Variants in CUL9 observed in about 807,000 individuals in gnomAD.
CUL9 encodes cullin-9.
Under a neutral mutation model 272.6 loss-of-function variants are expected in CUL9, and 79 were observed. That is an observed-to-expected ratio of 0.29 (90% confidence interval 0.24 to 0.35). The LOEUF is 0.35. Among genes scored for constraint, CUL9 ranks in the 10% least tolerant of loss-of-function variants. The probability of loss-of-function intolerance (pLI) is 1.00; values close to 1 mark genes in which losing one functional copy is unlikely to be tolerated. For missense variants in CUL9, 2,532 were observed against 3,255.6 expected (o/e 0.78, Z 5.41); for synonymous variants, 1,186 against 1,286.5 (o/e 0.92, Z 1.67).
chr6:43,196,482 G>C, intron 10 of CUL9, 163 bp from the exon 11 acceptor site: 1 of 801,810 alleles, frequency 1.2e-6, no homozygotes, highest in Non-Finnish European at 2.1e-6. Context: ...TTCCCTTTAT[G>C]GGTTTGGGAG....
Position 43,185,615 on chromosome 6 carries a change from A to G in CUL9, c.750+5A>G. ...GAGGGCATTCATCTGCCTCAGGTAC[A>G]CTGCCAGCTGTAGGGAAATGCTGTG... On this transcript the variant is annotated splice_donor_5th_base_variant and intron_variant, in intron 3 of 40. Coordinates refer to ENST00000252050, the MANE Select transcript of CUL9 (RefSeq NM_015089.4). 1.2e-6 allele frequency: 2 copies of G among 1,610,088 alleles called. No individual in the cohort carries two copies. The highest frequency in any genetic ancestry group is 8.5e-7 in the Non-Finnish European group (1 of 1,179,406).
intron 36 of CUL9, 64 bp downstream of exon 36, chr6:43,222,454 G>A (rs761802978): frequency 2.5e-6 from 4 of 1,585,588 alleles, no homozygotes; most frequent in Non-Finnish European, 3.5e-6. Context: ...GGGGTGGAGG[G>A]GGGTGGGCTG....
intron 29 of CUL9, among the ~76,000 whole-genome samples, chr6:43,214,281 A>G (rs1317877691): frequency 1.3e-5 from 2 of 152,078 alleles, no homozygotes; most frequent in South Asian, 4.1e-4. Context: ...TTAGCTGGGC[A>G]TGGTGGCACA....
At chr6:43,194,329 C>G (rs1177561446) in intron 9 of CUL9, among the ~76,000 whole-genome samples, 2 of 145,146 alleles carry the variant, frequency 1.4e-5, no homozygotes, top group Non-Finnish European at 3.0e-5. Flanking sequence ...CTTTTCTTTT[C>G]TTTTTCTTTG....
chr6:43,191,507 C>CTTTTTTTTTTTTTTTTTTTTTTTTTTT (rs1554167922), intron 8 of CUL9, among the ~76,000 whole-genome samples: 124 of 73,112 alleles, frequency 1.7e-3, no homozygotes, highest in Non-Finnish European at 2.2e-3. Flanking sequence ...TTTTTTTTTA[C>CTTTTTTTTTTTTTTTTTTTTTTTTTTT]TTTTTGTAGA....
At chr6:43,204,135 G>C in intron 20 of CUL9, 148 bp downstream of exon 20, 1 of 1,142,098 alleles carries the variant, frequency 8.8e-7, no homozygotes, top group Non-Finnish European at 1.2e-6. Flanking sequence ...CCTGCCCCAG[G>C]CACTGCTCCC....
Position 43,221,110 on chromosome 6 carries a change from G to A in CUL9, c.6589-48G>A. The A allele has an allele frequency of 6.3e-7, 1 of 1,596,758 alleles. No individual in the cohort carries two copies. The highest frequency in any genetic ancestry group is 8.5e-7 in the Non-Finnish European group (1 of 1,173,158). The stretch of plus-strand genomic sequence containing the variant: ...CCTCTCTCCTGTGCACACCAGCCAT[G>A]CTGCCCTCACGGCTCAGCTGTGTCC... On this transcript the variant is annotated intron_variant, in intron 33 of 40. Transcript: ENST00000252050. This position sits in a 1 kb window ranked among gnomAD's most constrained non-coding sequence, Gnocchi z 4.2.
chr6:43,218,451 C>T lies in CUL9; in HGVS notation c.6282+1948C>T, dbSNP rs551437984. On this transcript the variant is annotated intron_variant, in intron 31 of 40. Coordinates refer to ENST00000252050, the MANE Select transcript of CUL9 (RefSeq NM_015089.4). This position sits in a 1 kb window ranked among gnomAD's most constrained non-coding sequence, Gnocchi z 4.4. ...CAGGATGGTCTCGATCTCCTGACCT[C>T]GTGATCCACCCACCTCAGCCTCCCA... 2.0e-5 allele frequency among the ~76,000 whole-genome samples: 3 copies of T among 151,582 alleles called. No individual in the cohort carries two copies. Among genetic ancestry groups the T allele is most frequent in the East Asian group, 2.0e-4 (1 of 5,078 alleles).
At chr6:43,208,831 A>C (rs1775241231) in intron 26 of CUL9, among the ~76,000 whole-genome samples, 1 of 152,142 alleles carries the variant, frequency 6.6e-6, no homozygotes, top group African/African-American at 2.4e-5. Flanking sequence ...TTCAAAGTAT[A>C]CAATTTGTCC....
At position 43,220,997 on chromosome 6, in the gene CUL9, C is replaced by T. The variant is rs547911724; in HGVS notation, c.6588+86C>T. The T allele has an allele frequency of 1.3e-6, 2 of 1,488,480 alleles. No individual in the cohort carries two copies. The highest frequency in any genetic ancestry group is 2.5e-5 in the East Asian group (1 of 40,642). 92.2% of individuals were successfully genotyped at this position (1,488,480 alleles called of 1,614,324 possible). On this transcript the variant is annotated intron_variant, in intron 33 of 40. Coordinates refer to ENST00000252050, the MANE Select transcript of CUL9 (RefSeq NM_015089.4). This position sits in a 1 kb window ranked among gnomAD's most constrained non-coding sequence, Gnocchi z 4.9. ...ATCCCCACCCCGCCACACACACAGA[C>T]TGTGACTTGTCCTTCCTCAGCCTCT...
Position 43,223,508 on chromosome 6 carries a change from C to T in CUL9, c.7284+111C>T, listed in dbSNP as rs1255488973. ...GAGTCCAGAAGGAAAGGCAGCAAAG[C>T]GGGTGAATGGATGTTAGACCTGGGC... On this transcript the variant is annotated intron_variant, in intron 39 of 40. Transcript: ENST00000252050. This position sits in a 1 kb window ranked among gnomAD's most constrained non-coding sequence, Gnocchi z 4.1. 16 of 1,407,996 alleles carry T rather than the reference C, an allele frequency of 1.1e-5. No homozygotes were observed. The highest frequency in any genetic ancestry group is 7.4e-5 in the African/African-American group (5 of 67,128). 87.2% of individuals were successfully genotyped at this position (1,407,996 alleles called of 1,614,324 possible).
chr6:43,204,184 C>T (rs1171976466), intron 20 of CUL9, 176 bp from the exon 21 acceptor site: 2 of 1,036,372 alleles, frequency 1.9e-6, no homozygotes, highest in Non-Finnish European at 2.8e-6. Flanking sequence ...CTACCCCATC[C>T]CCACCCTGTT....
chr6:43,204,759 A>G lies in CUL9; in HGVS notation c.4351A>G (p.Ser1451Gly). The change falls in exon 22 of 41, where the codon AGC (serine) becomes GGC (glycine). Residue 1451 changes from serine (S) to glycine (G), a missense_variant. Coordinates refer to ENST00000252050, the MANE Select transcript of CUL9 (RefSeq NM_015089.4). ...CTCTGTCTCTACAGTCAGCAAGAAC[A>G]GCAAGGGTCGGGACCGGAGCCCGGC... ...EPSTRPFSKN[S>G]KGRDRSPAPS... 6.2e-7 allele frequency: 1 copy of G among 1,614,182 alleles called. No homozygotes were observed. The highest frequency in any genetic ancestry group is 8.5e-7 in the Non-Finnish European group (1 of 1,180,010).
rs765152115 is a variant in CUL9 at position 43,184,410 on chromosome 6, G to A, written c.100G>A (p.Gly34Arg). ...CATTCGACAGAGGCCTGGGCATGACGGGCATCCTGAATACCTGATCCGATG... is the reference window on the plus strand; with the variant it reads ...CATTCGACAGAGGCCTGGGCATGACAGGCATCCTGAATACCTGATCCGATG... Reference protein sequence around the residue: ...ELIRQRPGHDGHPEYLIRWSV... With the variant: ...ELIRQRPGHDRHPEYLIRWSV... Residue 34 changes from glycine (G) to arginine (R), a missense_variant, in exon 2 of 41, where the codon GGG becomes AGG. Gly to Arg is a moderately radical substitution (Grantham distance 125). Around this residue, in one of 3 missense-constraint regions of CUL9, gnomAD observed 2,218 missense variants for 2,788.6 expected, o/e 0.80. Coordinates refer to ENST00000252050, the MANE Select transcript of CUL9 (RefSeq NM_015089.4). This position sits in a 1 kb window ranked among gnomAD's most constrained non-coding sequence, Gnocchi z 4.8. 11 of 1,613,442 alleles carry A rather than the reference G, an allele frequency of 6.8e-6. No homozygotes were observed. Among genetic ancestry groups the A allele is most frequent in the African/African-American group, 2.7e-5 (2 of 74,900 alleles).
chr6:43,213,402 TC>T lies in CUL9; in HGVS notation c.5359-34del. 2 of 1,612,444 alleles carry T rather than the reference TC, an allele frequency of 1.2e-6. No individual in the cohort carries two copies. Among genetic ancestry groups the T allele is most frequent in the Non-Finnish European group, 1.7e-6 (2 of 1,178,726 alleles). On this transcript the variant is annotated intron_variant, in intron 27 of 40. Transcript: ENST00000252050. The surrounding 1 kb of genome is among the most constrained non-coding windows in gnomAD (Gnocchi z 5.7). ...TCCTTACTCCCCTCTTCCTTTTCTT[TC>T]CTTTGACTCCTGACTGGGCGTTTCT... is the stretch of plus-strand genomic sequence containing the variant.
chr6:43,200,296 C>T lies in CUL9; in HGVS notation c.3384+140C>T. On this transcript the variant is annotated intron_variant, in intron 14 of 40. Transcript: ENST00000252050. This position sits in a 1 kb window ranked among gnomAD's most constrained non-coding sequence, Gnocchi z 4.0. ...GGCACTTGTTTCCTAACCTTGACTC[C>T]ACATGGTTCTGTCAAAATGTGGGGA... 2 of 1,495,136 alleles carry T rather than the reference C, an allele frequency of 1.3e-6. No individual in the cohort carries two copies. The highest frequency in any genetic ancestry group is 1.2e-5 in the South Asian group (1 of 82,764). 92.6% of individuals were successfully genotyped at this position (1,495,136 alleles called of 1,614,324 possible). A position where few individuals can be genotyped will look rare whatever the true frequency, so the allele number is the denominator to read the frequency against.
Position 43,223,163 on chromosome 6 carries a change from G to A in CUL9, c.7151-101G>A. 2 of 1,445,666 alleles carry A rather than the reference G, an allele frequency of 1.4e-6. No homozygotes were observed. Among genetic ancestry groups the A allele is most frequent in the Non-Finnish European group, 1.9e-6 (2 of 1,075,604 alleles). The allele number at this position is 1,445,666 out of a possible 1,614,324, so 89.6% of individuals were successfully genotyped here. On this transcript the variant is annotated intron_variant, in intron 38 of 40. Coordinates refer to ENST00000252050, the MANE Select transcript of CUL9 (RefSeq NM_015089.4). This position sits in a 1 kb window ranked among gnomAD's most constrained non-coding sequence, Gnocchi z 4.1. ...AGGGAGCTTCATGAGAATGTCTAGA[G>A]CTGCACCTGGTGCTTGGTAGACGTT...
At chr6:43,187,625 A>G in intron 6 of CUL9, 88 bp from the exon 7 acceptor site, 4 of 1,443,938 alleles carry the variant, frequency 2.8e-6, no homozygotes, top group East Asian at 2.3e-5. Context: ...GTGTGGGGGC[A>G]TGGTAGGGAG....
At position 43,221,901 on chromosome 6, in the gene CUL9, C is replaced by T. The variant is rs913854942; in HGVS notation, c.6846+123C>T. 3 of 844,548 alleles carry T rather than the reference C, an allele frequency of 3.6e-6. No individual in the cohort carries two copies. In the Admixed American group the frequency reaches 7.8e-5, roughly 22 times the overall value. The allele number at this position is 844,548 out of a possible 1,614,324, so 52.3% of individuals were successfully genotyped here. On this transcript the variant is annotated intron_variant, in intron 35 of 40. Transcript: ENST00000252050. This position sits in a 1 kb window ranked among gnomAD's most constrained non-coding sequence, Gnocchi z 4.2. ...AGCATTCTAGCTGTTGGGATAGAGG[C>T]TCACTGTGGGGAAGACAGAGCCACC...
Sources: gnomAD v4.1 joint callset for allele counts (sites outside exome capture counted in the v4.1 genomes callset) on GRCh38, gnomAD v4.1.1 for gene constraint, gnomAD v4.1.1 regional missense constraint, Gnocchi (gnomAD v3.1) non-coding constraint, MANE v1.5 for transcripts, NCBI Gene and HGNC (gene_info 2026-07-23, HGNC 2026-07-21) for gene names.